TAF4B: variants seen among roughly 807,000 people sequenced by gnomAD.
TAF4B encodes the protein transcription initiation factor TFIID subunit 4B.
TAF4B carries 38 observed loss-of-function variants against 86.4 expected under a neutral mutation model. The observed-to-expected ratio is 0.44, with a 90% confidence interval of 0.34 to 0.58. The LOEUF (loss-of-function observed/expected upper bound fraction) is 0.58. Among genes scored for constraint, TAF4B ranks in the 20% least tolerant of loss-of-function variants. The pLI is 0.02. For synonymous variants in TAF4B, 388 were observed against 391.2 expected (o/e 0.99, Z 0.10); for missense variants, 988 against 1,027.6 (o/e 0.96, Z 0.53).
At chr18:26,376,637 G>A (rs2057445129) in intron 14 of TAF4B, among the ~76,000 whole-genome samples, 1 of 151,680 alleles carries the variant, frequency 6.6e-6, no homozygotes, top group Admixed American at 6.6e-5. Flanking sequence ...AGTGGTAGTT[G>A]TATTTCTTTC....
intron 1 of TAF4B, among the ~76,000 whole-genome samples, chr18:26,240,334 C>T (rs1182297410): frequency 1.3e-5 from 2 of 152,118 alleles, no homozygotes; most frequent in Non-Finnish European, 2.9e-5. Context: ...GTATTTTATT[C>T]TCTTTGAAGC....
intron 9 of TAF4B, among the ~76,000 whole-genome samples, chr18:26,299,757 A>G (rs2144630192): frequency 6.6e-6 from 1 of 151,922 alleles, no homozygotes; most frequent in East Asian, 1.9e-4. Flanking sequence ...ATGAAGTTGT[A>G]TTTTTTTAAG....
chr18:26,350,047 T>A (rs1405955916), intron 13 of TAF4B, among the ~76,000 whole-genome samples: 1 of 152,140 alleles, frequency 6.6e-6, no homozygotes, highest in Non-Finnish European at 1.5e-5. Flanking sequence ...CCTCTTACCC[T>A]ATTAAAAAGT....
chr18:26,318,926 C>A (rs112594523), intron 10 of TAF4B, among the ~76,000 whole-genome samples: 3 of 152,202 alleles, frequency 2.0e-5, no homozygotes, highest in African/African-American at 4.8e-5. Flanking sequence ...CACTAAGGTG[C>A]CTTGCACCTG....
chr18:26,237,431 G>T (rs758609053), intron 1 of TAF4B, among the ~76,000 whole-genome samples: 2 of 152,122 alleles, frequency 1.3e-5, no homozygotes, highest in Non-Finnish European at 2.9e-5. Context: ...ATGTATCCAG[G>T]TTGGGCCAAA....
chr18:26,350,306 A>T (rs1332943365), intron 13 of TAF4B, among the ~76,000 whole-genome samples: 1 of 152,260 alleles, frequency 6.6e-6, no homozygotes, highest in African/African-American at 2.4e-5. Context: ...CAAACTATTC[A>T]TCTGATAGTG....
At chr18:26,328,847 T>C (rs1568155911) in intron 12 of TAF4B, among the ~76,000 whole-genome samples, 1 of 151,998 alleles carries the variant, frequency 6.6e-6, no homozygotes, top group Non-Finnish European at 1.5e-5. Context: ...CTCGAACTCC[T>C]GAGCTTGATC....
At chr18:26,252,235 A>G (rs1207341469) in intron 1 of TAF4B, among the ~76,000 whole-genome samples, 2 of 152,196 alleles carry the variant, frequency 1.3e-5, no homozygotes, top group Non-Finnish European at 2.9e-5. Context: ...TACTTTGTTA[A>G]ATTTATCCTT....
intron 1 of TAF4B, among the ~76,000 whole-genome samples, chr18:26,238,128 C>A (rs1204135656): frequency 1.3e-5 from 2 of 152,186 alleles, no homozygotes; most frequent in African/African-American, 4.8e-5. Context: ...CTTTGCCTTT[C>A]CTCTTAGCTC....
chr18:26,261,589 T>C (rs958735961), intron 1 of TAF4B, among the ~76,000 whole-genome samples: 2 of 152,204 alleles, frequency 1.3e-5, no homozygotes, highest in Non-Finnish European at 2.9e-5. Flanking sequence ...GCTGTTAGGA[T>C]CCACTCATTG....
intron 13 of TAF4B, among the ~76,000 whole-genome samples, chr18:26,336,842 T>C (rs910238835): frequency 6.6e-6 from 1 of 152,352 alleles, no homozygotes; most frequent in Non-Finnish European, 1.5e-5. Context: ...CCTTACCCTG[T>C]CTGTTCTTCC....
At chr18:26,382,338 G>C (rs1325694331) in intron 14 of TAF4B, among the ~76,000 whole-genome samples, 2 of 152,168 alleles carry the variant, frequency 1.3e-5, no homozygotes, top group East Asian at 3.8e-4. Flanking sequence ...GAGGTTGTCA[G>C]CTTGGCCATA....
chr18:26,343,176 G>C (rs879791151), intron 13 of TAF4B, among the ~76,000 whole-genome samples: 14 of 152,152 alleles, frequency 9.2e-5, no homozygotes, highest in Non-Finnish European at 1.8e-4. Flanking sequence ...CCTACTGCTT[G>C]ATTCTAGACC....
At chr18:26,332,615 C>T (rs1019981059) in intron 12 of TAF4B, among the ~76,000 whole-genome samples, 2 of 151,796 alleles carry the variant, frequency 1.3e-5, no homozygotes, top group African/African-American at 2.4e-5. Context: ...CTGCAACTTC[C>T]GCCTCCCAAG....
In TAF4B at chr18:26,305,607, A is replaced by G. The variant is rs138097844; in HGVS notation, c.1833-9622A>G. Among the ~76,000 whole-genome samples the G allele has an allele frequency of 4.3e-3, 654 of 152,086 alleles. 3 individuals are homozygous for G. The highest frequency in any genetic ancestry group is 0.015 in the African/African-American group (624 of 41,466). On this transcript the variant is annotated intron_variant, in intron 9 of 14. Coordinates refer to ENST00000269142, the MANE Select transcript of TAF4B (RefSeq NM_005640.3). ...TTTTTAGTAGAGACGGGGTTTCATC[A>G]TGTTGGCCAGGCCAGTCTCAAACTC...
intron 1 of TAF4B, among the ~76,000 whole-genome samples, chr18:26,260,717 T>C (rs1179601252): frequency 6.7e-6 from 1 of 148,280 alleles, no homozygotes; most frequent in Non-Finnish European, 1.5e-5. Context: ...ATCTTTCTTT[T>C]GCCAGTTTAG....
In TAF4B at chr18:26,284,317, C is replaced by T. The variant is rs2056484814; in HGVS notation, c.973-1565C>T. On this transcript the variant is annotated intron_variant, in intron 6 of 14. Coordinates refer to ENST00000269142, the MANE Select transcript of TAF4B (RefSeq NM_005640.3). ...GTTGTAGCTGGTTTGATCTTCTGTC[C>T]ACACCACTCAAACTTTCTCCATGTC... 2.0e-5 allele frequency among the ~76,000 whole-genome samples: 3 copies of T among 152,158 alleles called. No homozygotes were observed. The South Asian group carries it at 6.2e-4, about 32-fold the overall frequency.
At chr18:26,329,169 C>G (rs1462755655) in intron 12 of TAF4B, among the ~76,000 whole-genome samples, 1 of 151,922 alleles carries the variant, frequency 6.6e-6, no homozygotes, top group Non-Finnish European at 1.5e-5. Flanking sequence ...GCAATCCTCC[C>G]ACCTCAGCTT....
rs560672252 is a variant in TAF4B at position 26,375,670 on chromosome 18, T to C, written c.2422-14175T>C. Among the ~76,000 whole-genome samples, 5 of 152,344 alleles carry C rather than the reference T, an allele frequency of 3.3e-5. No individual in the cohort carries two copies. In the South Asian group the frequency reaches 1.0e-3, roughly 32 times the overall value. On this transcript the variant is annotated intron_variant, in intron 14 of 14. Coordinates refer to ENST00000269142, the MANE Select transcript of TAF4B (RefSeq NM_005640.3). ...TCCTGAAGACTAATGATGTTGAGCA[T>C]CTTTTCATGTGCTTGTAGACCATTT...
Sources: gnomAD v4.1 joint callset for allele counts (sites outside exome capture counted in the v4.1 genomes callset) on GRCh38, gnomAD v4.1.1 for gene constraint, MANE v1.5 for transcripts, NCBI Gene and HGNC (gene_info 2026-07-23, HGNC 2026-07-21) for gene names.